FRMD4A: variants seen among roughly 807,000 people sequenced by gnomAD.
FRMD4A encodes FERM domain containing 4A.
In FRMD4A, 29 loss-of-function variants were observed where a neutral mutation model predicts 129.1. The observed-to-expected ratio is 0.22, with a 90% CI of 0.17 to 0.31. FRMD4A has a LOEUF of 0.31. Ranked by LOEUF, FRMD4A falls within the 10% of genes least tolerant of loss-of-function variation. The pLI, the probability that FRMD4A is intolerant of heterozygous loss-of-function variation, is 1.00. For synonymous variants in FRMD4A, 634 were observed against 571.6 expected (o/e 1.11, Z -1.56); for missense variants, 1,272 against 1,375.8 (o/e 0.92, Z 1.19).
At chr10:14,193,039 T>C (rs1439264380) in intron 2 of FRMD4A, among the ~76,000 whole-genome samples, 1 of 152,232 alleles carries the variant, frequency 6.6e-6, no homozygotes, top group Non-Finnish European at 1.5e-5. Flanking sequence ...TGTCAATATC[T>C]AGGTCAAGTT....
At chr10:13,845,676 G>C (rs1421376618) in intron 3 of FRMD4A, among the ~76,000 whole-genome samples, 1 of 152,142 alleles carries the variant, frequency 6.6e-6, no homozygotes, top group South Asian at 2.1e-4. Flanking sequence ...GACAGTCTTG[G>C]GGGCGCTTCA....
At chr10:14,131,785 C>T (rs866397820) in intron 2 of FRMD4A, among the ~76,000 whole-genome samples, 1 of 152,044 alleles carries the variant, frequency 6.6e-6, no homozygotes, top group Non-Finnish European at 1.5e-5. Flanking sequence ...CCTCTCCTTC[C>T]GCTCCCGCTA....
chr10:14,324,304 T>C (rs1225058024), intron 2 of FRMD4A, among the ~76,000 whole-genome samples: 1 of 152,194 alleles, frequency 6.6e-6, no homozygotes. Flanking sequence ...CATTGGGAAA[T>C]TTTACCTTGG....
At chr10:14,043,849 C>A (rs1833880043) in intron 2 of FRMD4A, among the ~76,000 whole-genome samples, 1 of 152,042 alleles carries the variant, frequency 6.6e-6, no homozygotes, top group East Asian at 1.9e-4. Flanking sequence ...TTTCTTAAGA[C>A]AAGGTCTTGC....
chr10:14,239,036 T>C (rs945787690), intron 2 of FRMD4A, among the ~76,000 whole-genome samples: 1 of 152,204 alleles, frequency 6.6e-6, no homozygotes, highest in African/African-American at 2.4e-5. Context: ...TGTAAAAATA[T>C]GTGTCAATAT....
intron 2 of FRMD4A, among the ~76,000 whole-genome samples, chr10:14,236,745 C>A (rs1843830336): frequency 6.6e-6 from 1 of 152,120 alleles, no homozygotes; most frequent in Non-Finnish European, 1.5e-5. Context: ...AGAGGATGGT[C>A]AGCCAACAGA....
rs561840733 is a variant in FRMD4A, at chr10:13,954,114, A to T, written c.46-95202T>A. On this transcript the variant is annotated intron_variant, in intron 2 of 24. Transcript: ENST00000357447. ...AAGCCTGCACAGTGTTCACTGCTCC[A>T]TTTAGCCTTTGCTGCTTCTCCGCAG... Among the ~76,000 whole-genome samples, 4 of 152,330 alleles carry T rather than the reference A, an allele frequency of 2.6e-5. No homozygotes were observed. In the South Asian group the frequency reaches 8.3e-4, roughly 32 times the overall value.
chr10:14,195,179 A>C (rs1486870731), intron 2 of FRMD4A, among the ~76,000 whole-genome samples: 2 of 152,190 alleles, frequency 1.3e-5, no homozygotes, highest in Non-Finnish European at 2.9e-5. Context: ...ATTCCCTTTT[A>C]TGTAGGCTAG....
intron 2 of FRMD4A, among the ~76,000 whole-genome samples, chr10:14,227,321 G>A (rs1335288080): frequency 1.6e-5 from 2 of 125,786 alleles, no homozygotes; most frequent in Non-Finnish European, 3.2e-5. Context: ...GCACAATCTC[G>A]GCTCACTGCA....
chr10:14,121,838 A>T (rs1489365218), intron 2 of FRMD4A, among the ~76,000 whole-genome samples: 1 of 151,922 alleles, frequency 6.6e-6, no homozygotes, highest in Non-Finnish European at 1.5e-5. Flanking sequence ...CCCACCTACA[A>T]CTCTGAACTC....
chr10:14,323,741 A>G (rs1843155543), intron 2 of FRMD4A, among the ~76,000 whole-genome samples: 1 of 152,178 alleles, frequency 6.6e-6, no homozygotes, highest in Non-Finnish European at 1.5e-5. Flanking sequence ...AGGTCTAGAC[A>G]CATTAGCCAG....
At chr10:14,317,242 C>T (rs1846774127) in intron 2 of FRMD4A, among the ~76,000 whole-genome samples, 1 of 152,172 alleles carries the variant, frequency 6.6e-6, no homozygotes, top group African/African-American at 2.4e-5. Context: ...TGTCTGCCCC[C>T]AGCCAGGATC....
At chr10:13,752,624 C>G (rs530609945) in intron 8 of FRMD4A, among the ~76,000 whole-genome samples, 1 of 152,012 alleles carries the variant, frequency 6.6e-6, no homozygotes, top group African/African-American at 2.4e-5. Context: ...GTGATACTAT[C>G]GTAACAGAAA....
rs142616208 is a variant in FRMD4A, at chr10:13,983,684, T to C, written c.46-124772A>G. On this transcript the variant is annotated intron_variant, in intron 2 of 24. Transcript: ENST00000357447. ...AGATACCTAGGAGGTGAGAGCCATC[T>C]GTTAGATCTGTTAATGTTTCTTAAT... 9.2e-5 allele frequency among the ~76,000 whole-genome samples: 14 copies of C among 152,198 alleles called. No individual in the cohort carries two copies. The East Asian group carries it at 2.7e-3, about 29-fold the overall frequency.
At chr10:13,688,389 T>G (rs182237713) in intron 15 of FRMD4A, among the ~76,000 whole-genome samples, 2,553 of 151,834 alleles carry the variant, frequency 0.017, 34 homozygotes, top group African/African-American at 0.032. Context: ...CACTGGGGAC[T>G]GTTGTGGGGT....
At chr10:14,224,491 C>T (rs1843370225) in intron 2 of FRMD4A, among the ~76,000 whole-genome samples, 1 of 152,192 alleles carries the variant, frequency 6.6e-6, no homozygotes. Context: ...ACTTTGGTCC[C>T]AGCCAATTAA....
chr10:14,237,249 T>C (rs1428506052), intron 2 of FRMD4A, among the ~76,000 whole-genome samples: 1 of 152,108 alleles, frequency 6.6e-6, no homozygotes, highest in East Asian at 1.9e-4. Context: ...TTAGGAGATG[T>C]GTGCTAGGTG....
At chr10:13,943,081 C>T (rs921747999) in intron 2 of FRMD4A, among the ~76,000 whole-genome samples, 8 of 152,064 alleles carry the variant, frequency 5.3e-5, no homozygotes, top group Admixed American at 2.6e-4. Flanking sequence ...TCTAAAACTG[C>T]GAGTTATACA....
intron 2 of FRMD4A, among the ~76,000 whole-genome samples, chr10:14,208,584 TC>T (rs1210510234): frequency 6.6e-6 from 1 of 151,662 alleles, no homozygotes; most frequent in Admixed American, 6.6e-5. Context: ...GGCCACTCAC[TC>T]CCCCACCCCT....
Sources: allele counts gnomAD v4.1 joint callset (sites outside exome capture counted in the v4.1 genomes callset), GRCh38; gene constraint gnomAD v4.1.1; transcripts MANE v1.5; gene names NCBI Gene and HGNC (gene_info 2026-07-23, HGNC 2026-07-21).